The following PHF24 variants were observed in gnomAD, a reference collection of about 807,000 sequenced individuals.
The protein encoded by PHF24 is Galpha inhibitory interacting protein.
In PHF24, 25 loss-of-function variants were observed where a neutral mutation model predicts 42.6. The ratio of observed to expected loss-of-function variants is 0.59; its 90% CI spans 0.43 to 0.82. PHF24 has a LOEUF of 0.82. PHF24 is among the 40% of genes least tolerant of loss of function. The pLI, the probability that PHF24 is intolerant of heterozygous loss-of-function variation, is 0.00. For missense variants in PHF24, 470 were observed against 538.1 expected (o/e 0.87, Z 1.25); for synonymous variants, 185 against 204.8 (o/e 0.90, Z 0.83).
At chr9:34,907,912 G>A in the PHF24 span, among the ~76,000 whole-genome samples, 1 of 151,914 alleles carries the variant, frequency 6.6e-6, no homozygotes, top group Admixed American at 6.6e-5. Context: ...GCATGATCTC[G>A]GCTCACTGCA....
At chr9:34,900,739 G>A in the PHF24 span, among the ~76,000 whole-genome samples, 12 of 152,168 alleles carry the variant, frequency 7.9e-5, no homozygotes, top group African/African-American at 2.9e-4. Context: ...GGGAGGTGGG[G>A]CCTTTTGGGA....
the PHF24 span, among the ~76,000 whole-genome samples, chr9:34,924,890 T>C: frequency 1.3e-5 from 2 of 152,230 alleles, 1 homozygote; most frequent in South Asian, 4.1e-4. Flanking sequence ...TTGGGTGGTT[T>C]TCTGTAGTGC....
the PHF24 span, among the ~76,000 whole-genome samples, chr9:34,925,145 A>AT: frequency 6.6e-6 from 1 of 151,958 alleles, no homozygotes; most frequent in South Asian, 2.1e-4. Flanking sequence ...GACTAGCAGG[A>AT]TTTTTTTATT....
the PHF24 span, chr9:34,723,340 C>G: frequency 1.3e-6 from 2 of 1,551,524 alleles, no homozygotes; most frequent in South Asian, 2.4e-5. Flanking sequence ...TGGAGTGTAG[C>G]CGGAGCTTAT....
chr9:34,977,743 GCCCA>G, intron 7 of PHF24, 102 bp downstream of exon 7: 1 of 1,033,558 alleles, frequency 9.7e-7, no homozygotes, highest in Non-Finnish European at 1.5e-6. Context: ...AACAGCAAGC[GCCCA>G]CCCAAGAAAC....
the PHF24 span, among the ~76,000 whole-genome samples, chr9:34,800,981 A>G: frequency 1.3e-5 from 2 of 151,830 alleles, no homozygotes; most frequent in Admixed American, 1.3e-4. Context: ...AGAAAAAAAA[A>G]CCATCAAAAA....
chr9:34,913,692 G>A, the PHF24 span, among the ~76,000 whole-genome samples: 1 of 152,112 alleles, frequency 6.6e-6, no homozygotes, highest in Admixed American at 6.6e-5. Context: ...GGATTTTGCG[G>A]TAGAAAAGAC....
the PHF24 span, among the ~76,000 whole-genome samples, chr9:34,696,420 A>G: frequency 6.6e-6 from 1 of 151,512 alleles, no homozygotes; most frequent in East Asian, 1.9e-4. Context: ...CCCGGGAGAC[A>G]GAAGTTGCGG....
the PHF24 span, chr9:34,917,203 A>G: frequency 1.4e-6 from 2 of 1,453,886 alleles, no homozygotes; most frequent in African/African-American, 2.8e-5. Context: ...TCCCACTTAA[A>G]TAAAGGCATC....
At chr9:34,678,930 C>G in the PHF24 span, among the ~76,000 whole-genome samples, 4 of 152,010 alleles carry the variant, frequency 2.6e-5, no homozygotes, top group Non-Finnish European at 4.4e-5. Context: ...ACACCCGGCC[C>G]CTTTAGATAT....
At chr9:34,730,587 C>G in the PHF24 span, among the ~76,000 whole-genome samples, 1 of 152,216 alleles carries the variant, frequency 6.6e-6, no homozygotes, top group Non-Finnish European at 1.5e-5. Context: ...TTTCAAGATA[C>G]TTAAAAATGT....
At chr9:34,844,242 CT>C in the PHF24 span, among the ~76,000 whole-genome samples, 2 of 151,892 alleles carry the variant, frequency 1.3e-5, no homozygotes, top group African/African-American at 4.8e-5. Context: ...ATAACCAACT[CT>C]TCCTTTTGTT....
the PHF24 span, among the ~76,000 whole-genome samples, chr9:34,739,238 AAAT>A: frequency 3.3e-5 from 5 of 152,268 alleles, no homozygotes; most frequent in African/African-American, 4.8e-5. Context: ...ACGTTGACAA[AAAT>A]AATATTTGAT....
At chr9:34,970,200 T>C (rs16932097) in intron 1 of PHF24, among the ~76,000 whole-genome samples, 6,243 of 152,256 alleles carry the variant, frequency 0.041, 228 homozygotes, top group African/African-American at 0.097. Flanking sequence ...GGCTAGGAAA[T>C]AGCAGACCAG....
the PHF24 span, among the ~76,000 whole-genome samples, chr9:34,799,231 A>G: frequency 4.6e-5 from 7 of 152,202 alleles, no homozygotes; most frequent in Admixed American, 4.6e-4. Flanking sequence ...AAAAATAGGA[A>G]TATTCTGGGC....
chr9:34,977,784 C>T (rs932430216), intron 7 of PHF24, 143 bp downstream of exon 7: 7 of 797,908 alleles, frequency 8.8e-6, no homozygotes, highest in East Asian at 2.7e-5. Flanking sequence ...ACATTTGACC[C>T]AAGTCTATAG....
chr9:34,721,978 T>C, the PHF24 span, among the ~76,000 whole-genome samples: 3 of 152,202 alleles, frequency 2.0e-5, no homozygotes, highest in Non-Finnish European at 4.4e-5. Flanking sequence ...CTCCTTTACT[T>C]TCCAGTTTCT....
chr9:34,836,548 CA>C, the PHF24 span, among the ~76,000 whole-genome samples: 2 of 152,128 alleles, frequency 1.3e-5, no homozygotes, highest in African/African-American at 4.8e-5. Context: ...ATGATGTACC[CA>C]ACATCTCCTG....
chr9:34,701,087 G>A, the PHF24 span, among the ~76,000 whole-genome samples: 2 of 152,156 alleles, frequency 1.3e-5, no homozygotes, highest in African/African-American at 4.8e-5. The surrounding 1 kb of genome is among the most constrained non-coding windows in gnomAD (Gnocchi z 5.8). Context: ...CCTGAGTCCT[G>A]GGAATCTTGT....
Sources: allele counts gnomAD v4.1 joint callset (sites outside exome capture counted in the v4.1 genomes callset), GRCh38; gene constraint gnomAD v4.1.1; non-coding constraint Gnocchi (gnomAD v3.1); transcripts MANE v1.5; gene names NCBI Gene and HGNC (gene_info 2026-07-23, HGNC 2026-07-21).